LRRC19: variants seen among roughly 807,000 people sequenced by gnomAD.
The protein encoded by LRRC19 is leucine-rich repeat-containing protein 19.
Under a neutral mutation model 33.3 loss-of-function variants are expected in LRRC19, and 33 were observed. That is an observed-to-expected ratio of 0.99 (90% CI 0.75 to 1.33). The LOEUF (loss-of-function observed/expected upper bound fraction) is 1.33, where lower values mean the gene tolerates loss of function less well. LRRC19 is among the 40% of genes most tolerant of loss of function. LRRC19 has a pLI of 0.00. For synonymous variants in LRRC19, 184 were observed against 152.3 expected, an observed-to-expected ratio of 1.21 and a Z score of -1.53; for missense variants, 463 against 417.3, an observed-to-expected ratio of 1.11 and a Z score of -0.95.
rs1390181780 is a variant in LRRC19 at position 26,995,284 on chromosome 9, G to C, written c.*237C>G. On this transcript the variant is annotated 3_prime_UTR_variant, in exon 5 of 5. Transcript: ENST00000380055. Reference sequence around the variant, plus strand: ...CGTATGGTCACCCAAGCACTGCTAAGAATAGTAGTGCTAGTATTGTAGACT... The same window carrying C: ...CGTATGGTCACCCAAGCACTGCTAACAATAGTAGTGCTAGTATTGTAGACT... 1.1e-5 allele frequency: 4 copies of C among 378,626 alleles called. No homozygotes were observed. Among genetic ancestry groups the C allele is most frequent in the African/African-American group, 8.0e-5 (4 of 49,758 alleles). 23.5% of individuals were successfully genotyped at this position (378,626 alleles called of 1,614,324 possible).
intron 1 of LRRC19, among the ~76,000 whole-genome samples, chr9:27,001,416 C>T (rs1236647514): frequency 1.3e-5 from 2 of 152,154 alleles, no homozygotes; most frequent in Non-Finnish European, 2.9e-5. Context: ...TACTAATTTA[C>T]ATTCCCAAGA....
chr9:26,994,753 T>A lies in LRRC19; in HGVS notation c.*768A>T, dbSNP rs951687769. 3 of 152,540 alleles carry A rather than the reference T, an allele frequency of 2.0e-5. No homozygotes were observed. Among genetic ancestry groups the A allele is most frequent in the Non-Finnish European group, 4.4e-5 (3 of 68,022 alleles). 9.4% of individuals were successfully genotyped at this position (152,540 alleles called of 1,614,324 possible). On this transcript the variant is annotated 3_prime_UTR_variant, in exon 5 of 5. Coordinates refer to ENST00000380055, the MANE Select transcript of LRRC19 (RefSeq NM_022901.3). The stretch of plus-strand genomic sequence containing the variant: ...GTCCATGGACCACATGAAGATTCCT[T>A]AGTGTCAGCACAGACCAATTTGAAT...
At chr9:27,002,808 T>C (rs1201686665) in intron 1 of LRRC19, among the ~76,000 whole-genome samples, 1 of 152,218 alleles carries the variant, frequency 6.6e-6, no homozygotes, top group Non-Finnish European at 1.5e-5. Flanking sequence ...TTAGGATTTT[T>C]TTTTCTACTT....
In LRRC19 at chr9:26,993,576, C is replaced by G. The variant is rs955185705; in HGVS notation, c.*1945G>C. ...ACTAATTATGTAACTTTTAAAATGA[C>G]TATTCTATAGATTATGACATAGATC... On this transcript the variant is annotated 3_prime_UTR_variant, in exon 5 of 5. Coordinates refer to ENST00000380055, the MANE Select transcript of LRRC19 (RefSeq NM_022901.3). 1 of 152,434 alleles carries G rather than the reference C, an allele frequency of 6.6e-6. No homozygotes were observed. Among genetic ancestry groups the G allele is most frequent in the Admixed American group, 6.6e-5 (1 of 15,266 alleles). The allele number at this position is 152,434 out of a possible 1,614,324, so 9.4% of individuals were successfully genotyped here.
At chr9:27,002,293 C>T (rs1034923053) in intron 1 of LRRC19, among the ~76,000 whole-genome samples, 6 of 152,174 alleles carry the variant, frequency 3.9e-5, no homozygotes, top group African/African-American at 7.2e-5. Context: ...CACTTTCATG[C>T]GGGTCCATGT....
chr9:26,995,885 A>C (rs759771749), intron 4 of LRRC19, 36 bp from the exon 5 acceptor site: 14 of 1,485,024 alleles, frequency 9.4e-6, no homozygotes, highest in Non-Finnish European at 1.3e-5. Flanking sequence ...AGAGAAAGAA[A>C]ATTTGTTAAG....
In LRRC19 at chr9:27,005,656, A is replaced by C. The variant is rs1828738420; in HGVS notation, c.-74T>G. 6.6e-6 allele frequency: 1 copy of C among 152,004 alleles called. No homozygotes were observed. The highest frequency in any genetic ancestry group is 6.6e-5 in the Admixed American group (1 of 15,258). The allele number at this position is 152,004 out of a possible 1,614,324, so 9.4% of individuals were successfully genotyped here. ...AATTAACTCTGTTTCAACGGCATTA[A>C]AAAAAGTACATCGTATGATTACATT... is the stretch of plus-strand genomic sequence containing the variant. On this transcript the variant is annotated 5_prime_UTR_variant, in exon 1 of 5. Coordinates refer to ENST00000380055, the MANE Select transcript of LRRC19 (RefSeq NM_022901.3).
rs1442190620 is a variant in LRRC19, at chr9:26,995,345, G to A, written c.*176C>T. ...CAACTACCGAGGAGTGTCAGTTACT[G>A]TATTTGAACCTGCTTGCTCAATATA... On this transcript the variant is annotated 3_prime_UTR_variant, in exon 5 of 5. Coordinates refer to ENST00000380055, the MANE Select transcript of LRRC19 (RefSeq NM_022901.3). The A allele has an allele frequency of 1.9e-6, 1 of 530,150 alleles. No individual in the cohort carries two copies. Among genetic ancestry groups the A allele is most frequent in the Admixed American group, 3.2e-5 (1 of 30,948 alleles). 32.8% of individuals were successfully genotyped at this position (530,150 alleles called of 1,614,324 possible). A position where few individuals can be genotyped will look rare whatever the true frequency, so the allele number is the denominator to read the frequency against.
chr9:27,001,422 C>T (rs1264060441), intron 1 of LRRC19, among the ~76,000 whole-genome samples: 1 of 152,092 alleles, frequency 6.6e-6, no homozygotes, highest in Non-Finnish European at 1.5e-5. Context: ...TTTACATTCC[C>T]AAGAGTGTAT....
intron 4 of LRRC19, 41 bp downstream of exon 4, chr9:26,996,270 G>T: frequency 8.9e-7 from 1 of 1,118,826 alleles, no homozygotes; most frequent in Non-Finnish European, 1.2e-6. Context: ...TATTTAGTAT[G>T]ATACATTCAG....
intron 1 of LRRC19, among the ~76,000 whole-genome samples, chr9:27,002,034 C>T (rs1278008280): frequency 6.6e-6 from 1 of 151,736 alleles, no homozygotes; most frequent in Non-Finnish European, 1.5e-5. Context: ...AGGAAACTTA[C>T]AATCATGGTG....
At chr9:26,996,561 A>T (rs1828171396) in intron 3 of LRRC19, 62 bp from the exon 4 acceptor site, 1 of 1,148,118 alleles carries the variant, frequency 8.7e-7, no homozygotes, top group African/African-American at 1.6e-5. Flanking sequence ...AACATTTTAT[A>T]ATTGTTTTAT....
chr9:26,999,627 T>A lies in LRRC19; in HGVS notation c.68A>T (p.Gln23Leu). 2 of 1,601,720 alleles carry A rather than the reference T, an allele frequency of 1.2e-6. No individual in the cohort carries two copies. The highest frequency in any genetic ancestry group is 8.5e-7 in the Non-Finnish European group (1 of 1,173,864). ...GTAAAAACTTACTCTTTTAGAAGAC[T>A]GGATTTTGTCTGATAATAATATCAT... ...LSMILLSDKIQSSKREVQCNF... is the reference protein window; with the variant it reads ...LSMILLSDKILSSKREVQCNF... The change falls in exon 2 of 5, where the codon CAG becomes CTG. Residue 23 changes from glutamine to leucine, a missense_variant. Transcript: ENST00000380055.
At chr9:27,004,341 T>C (rs749249822) in intron 1 of LRRC19, among the ~76,000 whole-genome samples, 42 of 152,220 alleles carry the variant, frequency 2.8e-4, no homozygotes, top group Non-Finnish European at 4.9e-4. Flanking sequence ...CAGCTCAAGG[T>C]AGATTCTGTA....
rs776196837 is a variant in LRRC19, at chr9:26,995,576, T to A, written c.1058A>T (p.Asp353Val). ...TATATATTTGTCTTCAATAAATCCA[T>A]CATCATCTACCACAAATGAATGTAA... ...EQLHSFVVDD[D>V]GFIEDKYIDI... Residue 353 changes from aspartate (D) to valine (V), a missense_variant, in exon 5 of 5, where the codon GAT (aspartate) becomes GTT (valine). Physicochemically the swap from Asp to Val is radical, Grantham distance 152. Coordinates refer to ENST00000380055, the MANE Select transcript of LRRC19 (RefSeq NM_022901.3). 1.3e-6 allele frequency: 2 copies of A among 1,599,558 alleles called. No individual in the cohort carries two copies. Among genetic ancestry groups the A allele is most frequent in the South Asian group, 2.2e-5 (2 of 90,578 alleles).
At chr9:27,000,307 T>C (rs1248147871) in intron 1 of LRRC19, among the ~76,000 whole-genome samples, 1 of 152,218 alleles carries the variant, frequency 6.6e-6, no homozygotes, top group Non-Finnish European at 1.5e-5. Context: ...TTTTAAAAAT[T>C]TAATATAGAA....
At position 26,995,804 on chromosome 9, in the gene LRRC19, A is replaced by G; in HGVS notation, c.830T>C (p.Val277Ala). The G allele has an allele frequency of 6.2e-7, 1 of 1,609,616 alleles. No individual in the cohort carries two copies. Among genetic ancestry groups the G allele is most frequent in the Non-Finnish European group, 8.5e-7 (1 of 1,177,840 alleles). ...GKSWAFLVGV[V>A]VTVLTTSLLI... is the part of the protein sequence containing the mutation. ...AAGTGAAGTCGTCAGTACAGTGACA[A>G]CAACACCAACAAGAAAAGCCCAACT... is the stretch of plus-strand genomic sequence containing the variant. The change falls in exon 5 of 5, where the codon GTT becomes GCT. Residue 277 changes from valine to alanine, a missense_variant. Val to Ala is a moderately conservative substitution (Grantham distance 64). Coordinates refer to ENST00000380055, the MANE Select transcript of LRRC19 (RefSeq NM_022901.3).
chr9:26,997,989 T>C lies in LRRC19; in HGVS notation c.334A>G (p.Ile112Val), dbSNP rs139115593. The C allele has an allele frequency of 1.2e-6, 2 of 1,613,846 alleles. No homozygotes were observed. The highest frequency in any genetic ancestry group is 1.7e-6 in the Non-Finnish European group (2 of 1,179,970). Residue 112 changes from isoleucine (I) to valine (V), a missense_variant, in exon 3 of 5, where the codon ATT (isoleucine) becomes GTT (valine). By Grantham distance (29) the Ile-to-Val change is conservative. Coordinates refer to ENST00000380055, the MANE Select transcript of LRRC19 (RefSeq NM_022901.3). Reference protein sequence around the residue: ...LNICRNSIYVIQQGAFLGLNK... With the variant: ...LNICRNSIYVVQQGAFLGLNK... ...AAGCCTAAAAATGCACCCTGTTGAA[T>C]TACATAGATGGAGTTTCTACAGATA...
chr9:27,005,352 T>TC (rs1443234170), intron 1 of LRRC19, among the ~76,000 whole-genome samples: 228 of 18,842 alleles, frequency 0.012, 6 homozygotes, highest in Non-Finnish European at 0.016. Context: ...TGAAACCATT[T>TC]CCCCCCCCGC....
Sources: gnomAD v4.1 joint callset for allele counts (sites outside exome capture counted in the v4.1 genomes callset) on GRCh38, gnomAD v4.1.1 for gene constraint, MANE v1.5 for transcripts, NCBI Gene and HGNC (gene_info 2026-07-23, HGNC 2026-07-21) for gene names.